Variants in CADM1 observed in about 807,000 individuals in gnomAD.
CADM1 encodes the protein cell adhesion molecule 1.
CADM1 carries 15 observed loss-of-function variants against 53.1 expected under a neutral mutation model. The observed-to-expected ratio is 0.28, with a 90% CI of 0.19 to 0.44. CADM1 has a LOEUF of 0.44. CADM1 is among the 20% of genes least tolerant of loss of function. The pLI is 1.00. For missense variants in CADM1, 434 were observed against 611.3 expected, an observed-to-expected ratio of 0.71 and a Z score of 3.06; for synonymous variants, 281 against 243.0, an observed-to-expected ratio of 1.16 and a Z score of -1.45.
chr11:115,400,300 T>C (rs1354926174), intron 1 of CADM1, among the ~76,000 whole-genome samples: 1 of 151,900 alleles, frequency 6.6e-6, no homozygotes, highest in Non-Finnish European at 1.5e-5. Context: ...ATACAGCTTC[T>C]ACAAGTGAAA....
intron 1 of CADM1, among the ~76,000 whole-genome samples, chr11:115,437,677 A>C (rs1440046898): frequency 6.6e-6 from 1 of 152,178 alleles, no homozygotes; most frequent in African/African-American, 2.4e-5. Context: ...CCAAAATTAA[A>C]ATTCCAAAGT....
intron 1 of CADM1, among the ~76,000 whole-genome samples, chr11:115,490,310 G>A (rs1227231979): frequency 2.0e-5 from 3 of 151,828 alleles, no homozygotes; most frequent in Non-Finnish European, 4.4e-5. Flanking sequence ...GGACTCCCAG[G>A]TTTATTTAAC....
Position 115,187,004 on chromosome 11 carries a change from A to C in CADM1, c.1165+3884T>G, listed in dbSNP as rs564178305. On this transcript the variant is annotated intron_variant, in intron 10 of 11. Coordinates refer to ENST00000331581, the MANE Select transcript of CADM1 (RefSeq NM_001301043.2). The stretch of plus-strand genomic sequence containing the variant: ...GCCCAGAGCCCAGCACAAGGATCTC[A>C]AATAATTTTGTTGAATGAATAAAGA... 2.4e-3 allele frequency among the ~76,000 whole-genome samples: 362 copies of C among 152,324 alleles called. 2 individuals carry two copies. The highest frequency in any genetic ancestry group is 0.017 in the Middle Eastern group (5 of 294).
chr11:115,450,986 T>C (rs981900910), intron 1 of CADM1, among the ~76,000 whole-genome samples: 5 of 152,208 alleles, frequency 3.3e-5, no homozygotes, highest in Admixed American at 2.6e-4. Context: ...ATTTCAGTTA[T>C]CTGAATTTAC....
At chr11:115,464,406 G>A (rs1484434725) in intron 1 of CADM1, among the ~76,000 whole-genome samples, 1 of 152,128 alleles carries the variant, frequency 6.6e-6, no homozygotes, top group African/African-American at 2.4e-5. Context: ...ACTGCACGTT[G>A]GAGACATTAG....
chr11:115,467,144 G>A (rs1948914947), intron 1 of CADM1, among the ~76,000 whole-genome samples: 1 of 152,204 alleles, frequency 6.6e-6, no homozygotes, highest in Admixed American at 6.5e-5. Context: ...GTGAGAGCTT[G>A]TTCTCTGATG....
In CADM1 at chr11:115,184,441, T is replaced by C. The variant is rs80062102; in HGVS notation, c.1166-5666A>G. The stretch of plus-strand genomic sequence containing the variant: ...GCTTTTCTCAGCACCAATTCAATTA[T>C]AGATGCTACAAATCCTTCTGACATT... On this transcript the variant is annotated intron_variant, in intron 10 of 11. Coordinates refer to ENST00000331581, the MANE Select transcript of CADM1 (RefSeq NM_001301043.2). 7.2e-4 allele frequency among the ~76,000 whole-genome samples: 110 copies of C among 152,368 alleles called. 1 individual carries two copies. The East Asian group carries it at 0.02, about 27-fold the overall frequency.
At chr11:115,299,157 G>A (rs1032435617) in intron 1 of CADM1, among the ~76,000 whole-genome samples, 65 of 152,168 alleles carry the variant, frequency 4.3e-4, no homozygotes, top group African/African-American at 1.3e-3. Flanking sequence ...CTGACTGCCC[G>A]TGAAGTTCAC....
chr11:115,324,026 G>A (rs947312044), intron 1 of CADM1, among the ~76,000 whole-genome samples: 4 of 13,760 alleles, frequency 2.9e-4, no homozygotes, highest in African/African-American at 1.2e-3. Flanking sequence ...CTGGGTTAAA[G>A]ATGCTGTGGG....
At chr11:115,182,989 C>A (rs1185314338) in intron 10 of CADM1, among the ~76,000 whole-genome samples, 2 of 152,186 alleles carry the variant, frequency 1.3e-5, no homozygotes, top group African/African-American at 4.8e-5. Context: ...CTCGCTTTAG[C>A]ATCTTAGAAA....
At chr11:115,489,826 T>G (rs1211833656) in intron 1 of CADM1, among the ~76,000 whole-genome samples, 1 of 152,194 alleles carries the variant, frequency 6.6e-6, no homozygotes, top group Non-Finnish European at 1.5e-5. Flanking sequence ...CCTTTCAGAA[T>G]GCAGTGCTTG....
chr11:115,264,760 G>GA (rs1943081754), intron 1 of CADM1, among the ~76,000 whole-genome samples: 1 of 152,166 alleles, frequency 6.6e-6, no homozygotes, highest in Non-Finnish European at 1.5e-5. Context: ...AGGATGAAAC[G>GA]AGACAATGAA....
intron 1 of CADM1, among the ~76,000 whole-genome samples, chr11:115,417,524 A>G (rs896753674): frequency 6.6e-6 from 1 of 152,206 alleles, no homozygotes; most frequent in African/African-American, 2.4e-5. Context: ...ACAATAACCA[A>G]TCATAAAACA....
chr11:115,218,687 T>G (rs1435818411), intron 5 of CADM1, among the ~76,000 whole-genome samples: 3 of 152,160 alleles, frequency 2.0e-5, no homozygotes, highest in African/African-American at 7.2e-5. Flanking sequence ...GACAGCCCCA[T>G]AAGTGTATGT....
intron 8 of CADM1, among the ~76,000 whole-genome samples, chr11:115,201,605 A>T (rs1345231493): frequency 1.3e-5 from 2 of 152,214 alleles, no homozygotes; most frequent in Non-Finnish European, 2.9e-5. Context: ...GCAAAATGCA[A>T]ATACTAAATT....
At chr11:115,352,887 C>T (rs922593338) in intron 1 of CADM1, among the ~76,000 whole-genome samples, 2 of 152,182 alleles carry the variant, frequency 1.3e-5, no homozygotes, top group Non-Finnish European at 2.9e-5. Flanking sequence ...TAGTATTCCA[C>T]GGTGTATATG....
chr11:115,254,440 G>A (rs185620163), intron 1 of CADM1, among the ~76,000 whole-genome samples: 1 of 151,754 alleles, frequency 6.6e-6, no homozygotes, highest in Non-Finnish European at 1.5e-5. Flanking sequence ...TCGATATCTC[G>A]GGGATTTTCA....
intron 1 of CADM1, among the ~76,000 whole-genome samples, chr11:115,302,784 G>T (rs1019260953): frequency 6.6e-6 from 1 of 152,026 alleles, no homozygotes; most frequent in Non-Finnish European, 1.5e-5. Context: ...GAGATGGAGT[G>T]ATAGACAAAG....
intron 1 of CADM1, among the ~76,000 whole-genome samples, chr11:115,354,653 A>C (rs1945818263): frequency 6.6e-6 from 1 of 152,210 alleles, no homozygotes; most frequent in Non-Finnish European, 1.5e-5. Flanking sequence ...AAGTGACCTA[A>C]GCCCTAAACA....
Sources: gnomAD v4.1 joint callset for allele counts (sites outside exome capture counted in the v4.1 genomes callset) on GRCh38, gnomAD v4.1.1 for gene constraint, MANE v1.5 for transcripts, NCBI Gene and HGNC (gene_info 2026-07-23, HGNC 2026-07-21) for gene names.